AKAP6: variants seen among roughly 807,000 people sequenced by gnomAD.
AKAP6 encodes A-kinase anchor protein 6.
Under a neutral mutation model 188.5 loss-of-function variants are expected in AKAP6, and 58 were observed. The observed-to-expected ratio is 0.31, with a 90% CI of 0.25 to 0.38. The LOEUF (loss-of-function observed/expected upper bound fraction) is 0.38, where lower values mean the gene tolerates loss of function less well. Among genes scored for constraint, AKAP6 ranks in the 10% least tolerant of loss-of-function variants. The pLI is 1.00. For missense variants in AKAP6, 2,710 were observed against 2,740.0 expected, an observed-to-expected ratio of 0.99 and a Z score of 0.24; for synonymous variants, 989 against 998.6, an observed-to-expected ratio of 0.99 and a Z score of 0.18.
intron 4 of AKAP6, among the ~76,000 whole-genome samples, chr14:32,548,766 C>T (rs1442619207): frequency 2.0e-5 from 3 of 152,154 alleles, no homozygotes; most frequent in Non-Finnish European, 4.4e-5. Flanking sequence ...TATCATGTTG[C>T]CTCCCTGAAA....
chr14:32,811,938 T>A (rs2140117978), intron 12 of AKAP6, among the ~76,000 whole-genome samples: 1 of 152,352 alleles, frequency 6.6e-6, no homozygotes, highest in African/African-American at 2.4e-5. Flanking sequence ...TTCACTTGTT[T>A]ACATGACTAT....
intron 1 of AKAP6, among the ~76,000 whole-genome samples, chr14:32,429,139 G>A (rs1890134525): frequency 6.6e-6 from 1 of 152,194 alleles, no homozygotes; most frequent in Non-Finnish European, 1.5e-5. Flanking sequence ...TTGTAACTCG[G>A]TAGGCACCTG....
chr14:32,510,388 A>ATG, intron 2 of AKAP6, among the ~76,000 whole-genome samples: 1 of 81,734 alleles, frequency 1.2e-5, no homozygotes, highest in South Asian at 2.8e-4. Flanking sequence ...GTGTATATAT[A>ATG]TATGTGTATA....
At chr14:32,366,023 G>A (rs1566466428) in intron 1 of AKAP6, among the ~76,000 whole-genome samples, 2 of 151,986 alleles carry the variant, frequency 1.3e-5, no homozygotes, top group Admixed American at 6.6e-5. Context: ...CTGCCCCTTA[G>A]GAGGTAAACC....
At chr14:32,453,864 C>T (rs149527259) in intron 2 of AKAP6, among the ~76,000 whole-genome samples, 5,053 of 151,092 alleles carry the variant, frequency 0.033, 111 homozygotes, top group East Asian at 0.092. Context: ...GGATTACAGG[C>T]GTGAGCCACT....
chr14:32,487,943 C>A (rs1879793232), intron 2 of AKAP6, among the ~76,000 whole-genome samples: 1 of 152,214 alleles, frequency 6.6e-6, no homozygotes, highest in South Asian at 2.1e-4. Flanking sequence ...CCACCAGATG[C>A]CAGCTGGAGC....
At chr14:32,625,393 C>T (rs1886978094) in intron 7 of AKAP6, among the ~76,000 whole-genome samples, 1 of 152,090 alleles carries the variant, frequency 6.6e-6, no homozygotes, top group African/African-American at 2.4e-5. Flanking sequence ...TACTCATGCT[C>T]ACCCCTGCAC....
intron 1 of AKAP6, among the ~76,000 whole-genome samples, chr14:32,333,354 T>C (rs151176517): frequency 2.0e-5 from 3 of 152,274 alleles, no homozygotes; most frequent in African/African-American, 7.2e-5. Context: ...TGGATTCAAT[T>C]CAATTCAATA....
intron 1 of AKAP6, among the ~76,000 whole-genome samples, chr14:32,344,007 T>G (rs1224936971): frequency 1.3e-5 from 2 of 152,182 alleles, no homozygotes; most frequent in Non-Finnish European, 2.9e-5. Context: ...GTCTGTCTCC[T>G]CAAGCAATTG....
Position 32,678,458 on chromosome 14 carries a change from G to A in AKAP6, c.2878G>A (p.Gly960Arg), listed in dbSNP as rs1465800423. 1 of 1,613,816 alleles carries A rather than the reference G, an allele frequency of 6.2e-7. No individual in the cohort carries two copies. Among genetic ancestry groups the A allele is most frequent in the Non-Finnish European group, 8.5e-7 (1 of 1,179,796 alleles). ...MSKVHSVGSNGLLDFDSEYQE... is the reference protein window; with the variant it reads ...MSKVHSVGSNRLLDFDSEYQE... ...AAAAGTTCATTCAGTGGGAAGCAATGGGTAGGGAACTATTCTTTTTGTTGT... is the reference window on the plus strand; with the variant it reads ...AAAAGTTCATTCAGTGGGAAGCAATAGGTAGGGAACTATTCTTTTTGTTGT... The change falls in exon 8 of 14, where the codon GGG (glycine) becomes AGG (arginine). Residue 960 changes from glycine (G) to arginine (R), a missense_variant and splice_region_variant. Physicochemically the swap from Gly to Arg is moderately radical, Grantham distance 125. Around this residue, in one of 2 missense-constraint regions of AKAP6, gnomAD observed 2,473 missense variants for 2,426.1 expected, o/e 1.02. Transcript: ENST00000280979.
intron 2 of AKAP6, among the ~76,000 whole-genome samples, chr14:32,528,593 G>A (rs1196089927): frequency 2.0e-5 from 3 of 152,130 alleles, no homozygotes; most frequent in Admixed American, 2.0e-4. Context: ...AGTAAATCTT[G>A]AAGTTGGGTA....
intron 2 of AKAP6, among the ~76,000 whole-genome samples, chr14:32,485,252 G>A (rs1409138413): frequency 6.6e-6 from 1 of 150,662 alleles, no homozygotes; most frequent in Non-Finnish European, 1.5e-5. Flanking sequence ...TTGCTATTGT[G>A]AATAGTGCTG....
Position 32,376,239 on chromosome 14 carries a change from T to G in AKAP6, c.-35+46831T>G, listed in dbSNP as rs569681060. On this transcript the variant is annotated intron_variant, in intron 1 of 13. Coordinates refer to ENST00000280979, the MANE Select transcript of AKAP6 (RefSeq NM_004274.5). Reference sequence around the variant, plus strand: ...TGACCTTGGGGCACCCCCCACTCCCTTAGAAAATCTATAAACTTCCCCTCA... The same window carrying G: ...TGACCTTGGGGCACCCCCCACTCCCGTAGAAAATCTATAAACTTCCCCTCA... Among the ~76,000 whole-genome samples, 15 of 152,358 alleles carry G rather than the reference T, an allele frequency of 9.8e-5. No homozygotes were observed. In the East Asian group the frequency reaches 2.9e-3, roughly 29 times the overall value.
intron 11 of AKAP6, among the ~76,000 whole-genome samples, chr14:32,739,424 A>G (rs1417387697): frequency 6.6e-6 from 1 of 152,024 alleles, no homozygotes; most frequent in Non-Finnish European, 1.5e-5. Context: ...TTAAGTTACT[A>G]TTGACTATAG....
At chr14:32,735,562 G>A (rs1158292330) in intron 10 of AKAP6, 96 bp from the exon 11 acceptor site, 3 of 918,436 alleles carry the variant, frequency 3.3e-6, no homozygotes, top group African/African-American at 1.7e-5. Context: ...TGTGTTTTTG[G>A]TACCTAAGTT....
In AKAP6 at chr14:32,804,235, A is replaced by T. The variant is rs528969311; in HGVS notation, c.3589-17167A>T. ...CTCACATCAACTTTTACCCACTTCC[A>T]GCTGTTCTCTACACTGAAGCCTATG... On this transcript the variant is annotated intron_variant, in intron 12 of 13. Transcript: ENST00000280979. Among the ~76,000 whole-genome samples the T allele has an allele frequency of 3.3e-5, 5 of 152,248 alleles. No homozygotes were observed. In the South Asian group the frequency reaches 1.0e-3, roughly 32 times the overall value.
At chr14:32,743,517 ATTGT>A (rs1277446195) in intron 11 of AKAP6, among the ~76,000 whole-genome samples, 1 of 151,538 alleles carries the variant, frequency 6.6e-6, no homozygotes, top group Non-Finnish European at 1.5e-5. Context: ...CTTGCTTTTC[ATTGT>A]TTGTGTATCC....
chr14:32,583,771 C>G (rs1169456659), intron 5 of AKAP6, among the ~76,000 whole-genome samples: 1 of 152,208 alleles, frequency 6.6e-6, no homozygotes, highest in Non-Finnish European at 1.5e-5. Flanking sequence ...GCGTAGGACC[C>G]TCTGAGCCAG....
intron 9 of AKAP6, among the ~76,000 whole-genome samples, chr14:32,709,386 C>A (rs1400327667): frequency 1.3e-5 from 2 of 151,900 alleles, no homozygotes; most frequent in African/African-American, 2.4e-5. Flanking sequence ...CAGAACTATA[C>A]CCTGGTGGGG....
Sources: allele counts gnomAD v4.1 joint callset (sites outside exome capture counted in the v4.1 genomes callset), GRCh38; gene constraint gnomAD v4.1.1; regional missense constraint gnomAD v4.1.1; transcripts MANE v1.5; gene names NCBI Gene and HGNC (gene_info 2026-07-23, HGNC 2026-07-21).